Variants in PAQR5 observed in about 807,000 individuals in gnomAD.
The protein encoded by PAQR5 is membrane progestin receptor gamma.
PAQR5 carries 20 observed loss-of-function variants against 34.5 expected under a neutral mutation model. The observed-to-expected ratio is 0.58, with a 90% CI of 0.41 to 0.84. The LOEUF is 0.84. Among genes scored for constraint, PAQR5 ranks in the 40% least tolerant of loss-of-function variants. PAQR5 has a pLI of 0.00. For synonymous variants in PAQR5, 131 were observed against 155.6 expected, an observed-to-expected ratio of 0.84 and a Z score of 1.18; for missense variants, 378 against 412.7, an observed-to-expected ratio of 0.92 and a Z score of 0.73.
intron 1 of PAQR5, among the ~76,000 whole-genome samples, chr15:69,312,077 G>A (rs530573382): frequency 9.2e-5 from 14 of 152,222 alleles, no homozygotes; most frequent in African/African-American, 3.4e-4. Context: ...GCGTTGTAGT[G>A]GGAAAGGCAA....
intron 1 of PAQR5, among the ~76,000 whole-genome samples, chr15:69,320,790 T>G (rs2140595655): frequency 6.6e-6 from 1 of 152,310 alleles, no homozygotes; most frequent in African/African-American, 2.4e-5. Context: ...GGGATACTAT[T>G]TGATCCCTTT....
At chr15:69,376,349 T>C (rs1206076134) in intron 3 of PAQR5, among the ~76,000 whole-genome samples, 1 of 152,250 alleles carries the variant, frequency 6.6e-6, no homozygotes, top group Non-Finnish European at 1.5e-5. Flanking sequence ...GTCCTTTCAA[T>C]GTATGTACCA....
At chr15:69,319,943 C>A (rs936751972) in intron 1 of PAQR5, among the ~76,000 whole-genome samples, 2 of 152,240 alleles carry the variant, frequency 1.3e-5, no homozygotes, top group Non-Finnish European at 2.9e-5. Context: ...CCTTCCTCTG[C>A]GGTCTGGTCT....
intron 1 of PAQR5, among the ~76,000 whole-genome samples, chr15:69,316,312 C>A (rs2053947396): frequency 6.6e-6 from 1 of 152,116 alleles, no homozygotes; most frequent in Non-Finnish European, 1.5e-5. Flanking sequence ...AGCTCCTGAC[C>A]ACAGGTGATC....
intron 1 of PAQR5, among the ~76,000 whole-genome samples, chr15:69,299,427 A>G (rs1354655375): frequency 2.6e-5 from 4 of 152,156 alleles, no homozygotes; most frequent in Non-Finnish European, 5.9e-5. Context: ...CCCCACTTTA[A>G]TAAAACCCTT....
At chr15:69,396,841 T>C (rs1239992986) in intron 6 of PAQR5, 2 of 294,380 alleles carry the variant, frequency 6.8e-6, no homozygotes, top group Admixed American at 9.9e-5. Flanking sequence ...TCACTTGTTT[T>C]AATGTTGCTG....
chr15:69,319,477 C>A (rs918828424), intron 1 of PAQR5, among the ~76,000 whole-genome samples: 3 of 151,700 alleles, frequency 2.0e-5, no homozygotes, highest in Non-Finnish European at 4.4e-5. Context: ...GAGCATGGGA[C>A]TCACCACTGG....
chr15:69,373,699 G>C (rs1218147159), intron 3 of PAQR5, among the ~76,000 whole-genome samples: 2 of 152,108 alleles, frequency 1.3e-5, no homozygotes, highest in Non-Finnish European at 2.9e-5. Context: ...TGCCTCCCAG[G>C]TTCAAGTGAT....
chr15:69,316,827 T>C (rs1476844617), intron 1 of PAQR5, among the ~76,000 whole-genome samples: 1 of 152,112 alleles, frequency 6.6e-6, no homozygotes, highest in Non-Finnish European at 1.5e-5. Flanking sequence ...GGTTTATTTA[T>C]TTATTTATTT....
chr15:69,380,620 G>A (rs796803999), intron 4 of PAQR5, among the ~76,000 whole-genome samples: 8 of 152,168 alleles, frequency 5.3e-5, no homozygotes, highest in East Asian at 1.9e-4. Context: ...CCAGGGAAGC[G>A]AAGAGGGGCC....
At chr15:69,387,188 A>G (rs2056136435) in intron 5 of PAQR5, among the ~76,000 whole-genome samples, 1 of 152,238 alleles carries the variant, frequency 6.6e-6, no homozygotes, top group African/African-American at 2.4e-5. Context: ...AGCCAGAAGC[A>G]GTCCAGACTG....
intron 3 of PAQR5, among the ~76,000 whole-genome samples, chr15:69,377,628 A>G (rs760657534): frequency 6.6e-6 from 1 of 152,212 alleles, no homozygotes; most frequent in Non-Finnish European, 1.5e-5. Context: ...TACTGCTGGA[A>G]GGGAATGTGC....
At chr15:69,391,849 G>C (rs1208406719) in intron 6 of PAQR5, 1 of 385,020 alleles carries the variant, frequency 2.6e-6, no homozygotes, top group Non-Finnish European at 5.2e-6. Flanking sequence ...CTGAGGTCAG[G>C]AGTTCAAGAC....
chr15:69,348,046 G>A (rs2054819087), intron 2 of PAQR5, among the ~76,000 whole-genome samples: 1 of 152,090 alleles, frequency 6.6e-6, no homozygotes, highest in East Asian at 1.9e-4. Context: ...AAAGGGCAGG[G>A]GTCCATGGAC....
chr15:69,365,390 G>A (rs918769449), intron 3 of PAQR5, among the ~76,000 whole-genome samples: 2 of 152,206 alleles, frequency 1.3e-5, no homozygotes, highest in African/African-American at 4.8e-5. Context: ...TTACAGGCGT[G>A]AGCCACCGTG....
chr15:69,323,762 C>T (rs11072082), intron 1 of PAQR5, among the ~76,000 whole-genome samples: 145,141 of 152,302 alleles, frequency 0.95, 69,326 homozygotes, highest in Non-Finnish European at 0.99. Context: ...CACTACCATC[C>T]AGAGAGAGCC....
intron 1 of PAQR5, among the ~76,000 whole-genome samples, chr15:69,328,854 G>T (rs2054313345): frequency 6.6e-6 from 1 of 152,260 alleles, no homozygotes; most frequent in African/African-American, 2.4e-5. Flanking sequence ...GGCCAGTGCA[G>T]CCTGCAGAGC....
rs777142767 is a variant in PAQR5 at position 69,384,810 on chromosome 15, A to T, written c.313A>T (p.Ser105Cys). 2 of 1,614,132 alleles carry T rather than the reference A, an allele frequency of 1.2e-6. No individual in the cohort carries two copies. Among genetic ancestry groups the T allele is most frequent in the South Asian group, 2.2e-5 (2 of 91,086 alleles). ...TGTGTCCAGCTGTGCGCACACCTTC[A>T]GCTCTATGTCCAAGAATGCCCGGCA... ...PLVSSCAHTFSSMSKNARHIC... is the reference protein window; with the variant it reads ...PLVSSCAHTFCSMSKNARHIC... Residue 105 changes from serine (S) to cysteine (C), a missense_variant, in exon 5 of 9, where the codon AGC becomes TGC. Ser to Cys is a moderately radical substitution (Grantham distance 112). Transcript: ENST00000395407.
At chr15:69,326,411 G>T (rs2054252238) in intron 1 of PAQR5, among the ~76,000 whole-genome samples, 1 of 151,028 alleles carries the variant, frequency 6.6e-6, no homozygotes, top group Non-Finnish European at 1.5e-5. Flanking sequence ...CTGGGAGCGG[G>T]GTTTTTATGT....
Sources: gnomAD v4.1 joint callset for allele counts (sites outside exome capture counted in the v4.1 genomes callset) on GRCh38, gnomAD v4.1.1 for gene constraint, MANE v1.5 for transcripts, NCBI Gene and HGNC (gene_info 2026-07-23, HGNC 2026-07-21) for gene names.